The following NUBPL variants were observed in gnomAD, a reference collection of about 807,000 sequenced individuals.
NUBPL encodes iron-sulfur cluster transfer protein NUBPL.
NUBPL carries 31 observed loss-of-function variants against 45.7 expected under a neutral mutation model. The ratio of observed to expected loss-of-function variants is 0.68; its 90% CI spans 0.51 to 0.92. The LOEUF (loss-of-function observed/expected upper bound fraction) is 0.92. NUBPL is among the 40% of genes least tolerant of loss of function. NUBPL has a pLI of 0.00. For missense variants in NUBPL, 401 were observed against 398.7 expected, an observed-to-expected ratio of 1.01 and a Z score of -0.05; for synonymous variants, 144 against 140.9, an observed-to-expected ratio of 1.02 and a Z score of -0.15.
chr14:31,693,955 A>G (rs961175062), intron 6 of NUBPL, among the ~76,000 whole-genome samples: 2 of 146,952 alleles, frequency 1.4e-5, no homozygotes, highest in African/African-American at 5.2e-5. Context: ...TCCTGGGTTC[A>G]CACCATTCTC....
intron 4 of NUBPL, among the ~76,000 whole-genome samples, chr14:31,640,069 C>T (rs566881949): frequency 2.5e-4 from 38 of 152,218 alleles, no homozygotes; most frequent in East Asian, 1.9e-3. Flanking sequence ...TGCTTCGGCT[C>T]CGGCACGGTG....
At chr14:31,680,532 CTGAT>C (rs2036806941) in intron 6 of NUBPL, among the ~76,000 whole-genome samples, 1 of 151,920 alleles carries the variant, frequency 6.6e-6, no homozygotes, top group South Asian at 2.1e-4. Context: ...TTTATTCTCA[CTGAT>C]TTTCTGATGT....
intron 4 of NUBPL, among the ~76,000 whole-genome samples, chr14:31,614,073 A>T (rs1445226343): frequency 1.3e-5 from 2 of 152,106 alleles, no homozygotes; most frequent in Admixed American, 1.3e-4. Context: ...TGACTTCTTT[A>T]TGGATGGGGC....
intron 6 of NUBPL, among the ~76,000 whole-genome samples, chr14:31,713,218 T>A (rs752048065): frequency 6.6e-6 from 1 of 152,198 alleles, no homozygotes; most frequent in Non-Finnish European, 1.5e-5. Context: ...TTCTTCCCTT[T>A]CTCAACTTGA....
At chr14:31,702,425 T>C (rs1019558182) in intron 6 of NUBPL, among the ~76,000 whole-genome samples, 6 of 152,202 alleles carry the variant, frequency 3.9e-5, no homozygotes, top group African/African-American at 1.4e-4. Context: ...TATTACTACA[T>C]GGCTAGCTCA....
intron 8 of NUBPL, among the ~76,000 whole-genome samples, chr14:31,838,132 A>G (rs975698248): frequency 2.6e-5 from 4 of 152,178 alleles, no homozygotes; most frequent in African/African-American, 9.7e-5. Flanking sequence ...GCTAAAATTT[A>G]TAAAAACTGA....
chr14:31,807,028 A>T (rs1165765528), intron 7 of NUBPL, among the ~76,000 whole-genome samples: 7 of 152,128 alleles, frequency 4.6e-5, no homozygotes, highest in Non-Finnish European at 1.5e-5. Context: ...TCACTGATGG[A>T]CATTTGGGTT....
At chr14:31,824,277 A>G (rs533749345) in intron 7 of NUBPL, among the ~76,000 whole-genome samples, 7 of 152,246 alleles carry the variant, frequency 4.6e-5, no homozygotes, top group Non-Finnish European at 7.4e-5. Flanking sequence ...AGTCAGCTAT[A>G]GAATCAAATT....
chr14:31,731,993 G>A (rs1400090214), intron 6 of NUBPL, among the ~76,000 whole-genome samples: 1 of 151,760 alleles, frequency 6.6e-6, no homozygotes, highest in Non-Finnish European at 1.5e-5. Context: ...ACGAGGTCAG[G>A]AGAGCTAGAC....
At chr14:31,594,405 C>T (rs1392769870) in intron 3 of NUBPL, among the ~76,000 whole-genome samples, 1 of 152,116 alleles carries the variant, frequency 6.6e-6, no homozygotes, top group South Asian at 2.1e-4. Context: ...AGAGCAAGAC[C>T]GTCTGAAAAA....
intron 3 of NUBPL, among the ~76,000 whole-genome samples, chr14:31,576,296 C>G (rs1028487234): frequency 6.6e-6 from 1 of 152,178 alleles, no homozygotes; most frequent in Non-Finnish European, 1.5e-5. Flanking sequence ...GTATCTTGCT[C>G]TGTTGGCCAG....
chr14:31,580,897 T>A (rs2033844462), intron 3 of NUBPL, among the ~76,000 whole-genome samples: 1 of 152,206 alleles, frequency 6.6e-6, no homozygotes, highest in Admixed American at 6.5e-5. Flanking sequence ...CAAAGCCTCA[T>A]AAGCCGTGGT....
chr14:31,742,527 C>T (rs2038308018), intron 6 of NUBPL, among the ~76,000 whole-genome samples: 1 of 152,112 alleles, frequency 6.6e-6, no homozygotes, highest in Non-Finnish European at 1.5e-5. Context: ...CTAAAGCAGC[C>T]ACCAATATTT....
intron 4 of NUBPL, among the ~76,000 whole-genome samples, chr14:31,608,132 A>G (rs574655157): frequency 6.6e-6 from 1 of 152,252 alleles, no homozygotes; most frequent in Non-Finnish European, 1.5e-5. Context: ...CTAAAATAGT[A>G]TATCTGGTGA....
chr14:31,675,660 C>G (rs1204920768), intron 6 of NUBPL, among the ~76,000 whole-genome samples: 1 of 152,180 alleles, frequency 6.6e-6, no homozygotes, highest in Non-Finnish European at 1.5e-5. Flanking sequence ...CTCATGTTCC[C>G]TCCTAGTACC....
intron 6 of NUBPL, chr14:31,686,630 A>G (rs2036958599): frequency 6.6e-6 from 1 of 152,214 alleles, no homozygotes; most frequent in Admixed American, 6.5e-5. Flanking sequence ...CAGACACGCA[A>G]TGAATAATTT....
intron 6 of NUBPL, among the ~76,000 whole-genome samples, chr14:31,784,314 A>T (rs1231933007): frequency 6.6e-6 from 1 of 152,090 alleles, no homozygotes; most frequent in African/African-American, 2.4e-5. Flanking sequence ...CAATTTAAGA[A>T]TATATTTAAT....
chr14:31,831,571 G>A (rs556173199), intron 8 of NUBPL, among the ~76,000 whole-genome samples: 2 of 151,942 alleles, frequency 1.3e-5, no homozygotes, highest in East Asian at 3.9e-4. Context: ...GTGCCTGGAA[G>A]ATGTAGTTTC....
intron 4 of NUBPL, among the ~76,000 whole-genome samples, chr14:31,666,274 A>T (rs969778529): frequency 0.11 from 6,833 of 60,626 alleles, 444 homozygotes; most frequent in Admixed American, 0.17. Flanking sequence ...ATTTTATTTT[A>T]TTTTTTTTGA....
Sources: gnomAD v4.1 joint callset for allele counts (sites outside exome capture counted in the v4.1 genomes callset) on GRCh38, gnomAD v4.1.1 for gene constraint, MANE v1.5 for transcripts, NCBI Gene and HGNC (gene_info 2026-07-23, HGNC 2026-07-21) for gene names.